Variants in RUSF1 observed in about 807,000 individuals in gnomAD.
The protein encoded by RUSF1 is RUS family member 1, also known as RUS1 family protein C16orf58.
Under a neutral mutation model 63.0 loss-of-function variants are expected in RUSF1, and 58 were observed. The ratio of observed to expected loss-of-function variants is 0.92; its 90% CI spans 0.75 to 1.15. The LOEUF is 1.15. RUSF1 is among the 50% of genes most tolerant of loss of function. The pLI, the probability that RUSF1 is intolerant of heterozygous loss-of-function variation, is 0.00. For missense variants in RUSF1, 652 were observed against 611.0 expected, an observed-to-expected ratio of 1.07 and a Z score of -0.71; for synonymous variants, 274 against 255.8, an observed-to-expected ratio of 1.07 and a Z score of -0.68.
chr16:31,495,556 TG>T (rs1258530447), intron 6 of RUSF1, among the ~76,000 whole-genome samples: 1 of 151,640 alleles, frequency 6.6e-6, no homozygotes, highest in Non-Finnish European at 1.5e-5. Context: ...AAAAATGGCT[TG>T]GGGTTAGGGG....
At chr16:31,492,890 C>T in intron 10 of RUSF1, 88 bp downstream of exon 10, 1 of 1,362,932 alleles carries the variant, frequency 7.3e-7, no homozygotes, top group Non-Finnish European at 1.0e-6. Context: ...AGCCTCCAAA[C>T]TGCCCAGAGC....
Position 31,507,849 on chromosome 16 carries a change from T to C in RUSF1, c.330A>G (p.Leu110=). The C allele has an allele frequency of 1.3e-6, 2 of 1,571,330 alleles. No homozygotes were observed. Among genetic ancestry groups the C allele is most frequent in the Non-Finnish European group, 1.7e-6 (2 of 1,157,694 alleles). ...QAFASSLSGS[L]ATQAVLLGIG... is the part of the protein sequence containing the mutation. ...TGCCCAGCAAGACTGCCTGGGTGGC[T>C]AGGGAGCCGGAGAGGCTGGAAGCAA... Residue 110 remains leucine (L), a synonymous_variant, in exon 2 of 13, where the codon CTA becomes CTG. Coordinates refer to ENST00000327237, the MANE Select transcript of RUSF1 (RefSeq NM_022744.4).
rs374961712 is a variant in RUSF1, at chr16:31,498,552, AC to A, written c.600+749del. Among the ~76,000 whole-genome samples the A allele has an allele frequency of 4.5e-4, 69 of 152,206 alleles. No homozygotes were observed. The East Asian group carries it at 0.011, about 24-fold the overall frequency. On this transcript the variant is annotated intron_variant, in intron 5 of 12. Coordinates refer to ENST00000327237, the MANE Select transcript of RUSF1 (RefSeq NM_022744.4). ...GTTTCTCCTCTGGGCCAGGGACTTAACTCTGACAGGATATGCTCTTTACTGA... is the reference window on the plus strand; with the variant it reads ...GTTTCTCCTCTGGGCCAGGGACTTAATCTGACAGGATATGCTCTTTACTGA...
intron 3 of RUSF1, 69 bp downstream of exon 3, chr16:31,500,617 A>T (rs1315924012): frequency 6.5e-7 from 1 of 1,534,882 alleles, no homozygotes; most frequent in African/African-American, 1.4e-5. Context: ...TAATGGCAAT[A>T]CTATTACTAT....
intron 2 of RUSF1, among the ~76,000 whole-genome samples, chr16:31,502,891 A>T (rs1326728482): frequency 2.0e-5 from 3 of 152,212 alleles, no homozygotes; most frequent in Non-Finnish European, 4.4e-5. Flanking sequence ...CGGCCTTCCG[A>T]AGTGTTGGGA....
chr16:31,490,049 G>A lies in RUSF1; in HGVS notation c.*786C>T, dbSNP rs1188314864. The A allele has an allele frequency of 2.5e-6, 4 of 1,610,124 alleles. No homozygotes were observed. Among genetic ancestry groups the A allele is most frequent in the African/African-American group, 1.3e-5 (1 of 74,898 alleles). ...CGAGCTGGTGTGCAAGAGACTTTAG[G>A]GCCAGGCATGGGGGGACAGAACTCC... is the stretch of plus-strand genomic sequence containing the variant. On this transcript the variant is annotated 3_prime_UTR_variant, in exon 13 of 13. Transcript: ENST00000327237.
Position 31,490,608 on chromosome 16 carries a change from G to A in RUSF1, c.*227C>T. On this transcript the variant is annotated 3_prime_UTR_variant, in exon 13 of 13. Transcript: ENST00000327237. ...GGTGAGGAGCCTGCGGTGCTCCCCA[G>A]AAAAGGGGAAGGGGCAGTGGGGTGA... The A allele has an allele frequency of 2.3e-6, 3 of 1,331,302 alleles. No homozygotes were observed. Among genetic ancestry groups the A allele is most frequent in the East Asian group, 2.4e-5 (1 of 41,130 alleles). The allele number at this position is 1,331,302 out of a possible 1,614,324, so 82.5% of individuals were successfully genotyped here. A position where few individuals can be genotyped will look rare whatever the true frequency, so the allele number is the denominator to read the frequency against.
At chr16:31,503,712 G>C (rs994033128) in intron 2 of RUSF1, among the ~76,000 whole-genome samples, 3 of 152,122 alleles carry the variant, frequency 2.0e-5, no homozygotes, top group Non-Finnish European at 4.4e-5. Context: ...GCCCAGGCTG[G>C]AGTGCAATGG....
In RUSF1 at chr16:31,492,979, T is replaced by C. The variant is rs564822499; in HGVS notation, c.1086A>G (p.Gln362=). The C allele has an allele frequency of 1.6e-5, 26 of 1,609,594 alleles. No individual in the cohort carries two copies. The highest frequency in any genetic ancestry group is 1.8e-4 in the Middle Eastern group (1 of 5,622). The change falls in exon 10 of 13, where the codon CAA becomes CAG. Residue 362 remains glutamine (Q), a splice_region_variant and synonymous_variant. Coordinates refer to ENST00000327237, the MANE Select transcript of RUSF1 (RefSeq NM_022744.4). Reference sequence around the variant, plus strand: ...GCTGGGAGAATGAGGCACACTCACTTTGTGACTGGTCCCAGCAGAGGAGGT... The same window carrying C: ...GCTGGGAGAATGAGGCACACTCACTCTGTGACTGGTCCCAGCAGAGGAGGT... ...ESYLLCWDQS[Q]NQVQVVLNQK...
In RUSF1 at chr16:31,492,284, C is replaced by G; in HGVS notation, c.1144G>C (p.Ala382Pro). ...KAGPKTILRA[A>P]THGLMLGALQ... ...GCCCCAAGCATCAGCCCATGTGTGG[C>G]GGCCCTTAGGATGGTCTTGGGGCCT... The change falls in exon 11 of 13, where the codon GCC (alanine) becomes CCC (proline). Residue 382 changes from alanine to proline, a missense_variant. Physicochemically the swap from Ala to Pro is conservative, Grantham distance 27. Transcript: ENST00000327237. 5 of 1,612,298 alleles carry G rather than the reference C, an allele frequency of 3.1e-6. No homozygotes were observed. The highest frequency in any genetic ancestry group is 4.2e-6 in the Non-Finnish European group (5 of 1,179,166).
rs372047711 is a variant in RUSF1, at chr16:31,508,065, C to A, written c.300+9G>T. 1.3e-6 allele frequency: 2 copies of A among 1,597,378 alleles called. No individual in the cohort carries two copies. The highest frequency in any genetic ancestry group is 2.7e-5 in the African/African-American group (2 of 74,282). The stretch of plus-strand genomic sequence containing the variant: ...TGCACTGTCCTCTGCCCCAGACGAC[C>A]GAGCTGACCTGCACGGAATCCCACA... On this transcript the variant is annotated intron_variant, in intron 1 of 12. Coordinates refer to ENST00000327237, the MANE Select transcript of RUSF1 (RefSeq NM_022744.4).
At chr16:31,500,204 C>T (rs1309679368) in intron 3 of RUSF1, among the ~76,000 whole-genome samples, 1 of 152,162 alleles carries the variant, frequency 6.6e-6, no homozygotes, top group Non-Finnish European at 1.5e-5. Context: ...AGGCCCGAGT[C>T]TCAGTATGAG....
At chr16:31,504,520 T>C (rs1325827847) in intron 2 of RUSF1, among the ~76,000 whole-genome samples, 1 of 152,186 alleles carries the variant, frequency 6.6e-6, no homozygotes, top group Non-Finnish European at 1.5e-5. Context: ...CTGCCGACCT[T>C]GGCCCCCCAT....
intron 9 of RUSF1, 168 bp downstream of exon 9, chr16:31,493,299 T>C: frequency 1.0e-6 from 1 of 980,524 alleles, no homozygotes. Context: ...TGCTTCATGT[T>C]ATACACCCTT....
chr16:31,503,851 G>A (rs1187488392), intron 2 of RUSF1, among the ~76,000 whole-genome samples: 1 of 152,114 alleles, frequency 6.6e-6, no homozygotes, highest in Non-Finnish European at 1.5e-5. Flanking sequence ...TAGTAGAGAG[G>A]GGGTTTCTCC....
chr16:31,494,008 C>G (rs1402193944), intron 6 of RUSF1, 72 bp from the exon 7 acceptor site: 4 of 1,498,152 alleles, frequency 2.7e-6, no homozygotes, highest in Middle Eastern at 1.7e-4. Context: ...GAGTGCCTTT[C>G]ACCTCATCCT....
intron 2 of RUSF1, among the ~76,000 whole-genome samples, chr16:31,505,991 C>T (rs1245010490): frequency 6.6e-6 from 1 of 152,074 alleles, no homozygotes; most frequent in African/African-American, 2.4e-5. Context: ...TGCTTAGTTA[C>T]CCTGAACACA....
In RUSF1 at chr16:31,490,748, A is replaced by G; in HGVS notation, c.*87T>C. ...CCCGCTGCAGTTGCCCTAAGGAAAA[A>G]TAAAGCTGCCTTTCCCCTGTCCTGC... On this transcript the variant is annotated 3_prime_UTR_variant, in exon 13 of 13. Transcript: ENST00000327237. The G allele has an allele frequency of 6.7e-7, 1 of 1,483,550 alleles. No homozygotes were observed. The highest frequency in any genetic ancestry group is 1.1e-5 in the South Asian group (1 of 87,652). The allele number at this position is 1,483,550 out of a possible 1,614,324, so 91.9% of individuals were successfully genotyped here. A position where few individuals can be genotyped will look rare whatever the true frequency, so the allele number is the denominator to read the frequency against.
chr16:31,502,064 C>T (rs1318533788), intron 2 of RUSF1, among the ~76,000 whole-genome samples: 1 of 152,098 alleles, frequency 6.6e-6, no homozygotes, highest in Non-Finnish European at 1.5e-5. Context: ...GAGAGCAGCA[C>T]CCATTAAGCC....
Sources: gnomAD v4.1 joint callset for allele counts (sites outside exome capture counted in the v4.1 genomes callset) on GRCh38, gnomAD v4.1.1 for gene constraint, MANE v1.5 for transcripts, NCBI Gene and HGNC (gene_info 2026-07-23, HGNC 2026-07-21) for gene names.